The following MCF2 variants were observed in gnomAD, a reference collection of about 807,000 sequenced individuals.
MCF2 encodes the protein MCF.2 cell line derived transforming sequence, also known as proto-oncogene DBL.
Under a neutral mutation model 82.5 loss-of-function variants are expected in MCF2, and 44 were observed. The observed-to-expected ratio is 0.53, with a 90% CI of 0.42 to 0.69. MCF2 has a LOEUF of 0.69. Among genes scored for constraint, MCF2 ranks in the 30% least tolerant of loss-of-function variants. The probability of loss-of-function intolerance (pLI) is 0.00; values close to 1 mark genes in which losing one functional copy is unlikely to be tolerated. For synonymous variants in MCF2, 217 were observed against 224.9 expected (o/e 0.96, Z 0.32); for missense variants, 623 against 663.1 (o/e 0.94, Z 0.66).
At chrX:139,682,735 A>ATTAAATG (rs1239177466) in intron 1 of MCF2, among the ~76,000 whole-genome samples, 1 of 111,078 alleles carries the variant, frequency 9.0e-6, no homozygotes, top group Admixed American at 9.6e-5. Context: ...CTGTTATCCC[A>ATTAAATG]CCCCAGTCCT....
chrX:139,584,632 A>C (rs1603271003), intron 24 of MCF2, among the ~76,000 whole-genome samples: 1 of 112,075 alleles, frequency 8.9e-6, no homozygotes, highest in East Asian at 2.8e-4. Context: ...AACACACTAA[A>C]ATATATCCCC....
intron 24 of MCF2, among the ~76,000 whole-genome samples, chrX:139,583,379 C>T (rs1928638730): frequency 9.0e-6 from 1 of 111,468 alleles, no homozygotes; most frequent in Admixed American, 9.6e-5. Flanking sequence ...TGGTAAATAT[C>T]AATAGATGTA....
At chrX:139,663,347 G>T (rs977488043) in intron 1 of MCF2, among the ~76,000 whole-genome samples, 10 of 111,964 alleles carry the variant, frequency 8.9e-5, no homozygotes, top group Non-Finnish European at 1.9e-4. Flanking sequence ...TGTTCCATGT[G>T]TAGATGAAAA....
intron 19 of MCF2, among the ~76,000 whole-genome samples, chrX:139,591,969 G>T (rs73573948): frequency 0.04 from 4,492 of 110,925 alleles, 116 homozygotes; most frequent in African/African-American, 0.087. Flanking sequence ...GGGTAAGACT[G>T]TGAAACTAAT....
chrX:139,601,803 A>G (rs1285730050), intron 16 of MCF2, among the ~76,000 whole-genome samples: 4 of 111,503 alleles, frequency 3.6e-5, no homozygotes, highest in African/African-American at 1.3e-4. Context: ...CTTTAAGAAT[A>G]TGAAATTCAG....
chrX:139,593,341 T>A (rs1269166433), intron 19 of MCF2, among the ~76,000 whole-genome samples: 10 of 110,663 alleles, frequency 9.0e-5, no homozygotes, highest in Non-Finnish European at 1.9e-4. Context: ...AAAAACCAGC[T>A]CCTGAATCTC....
chrX:139,645,535 T>A (rs1933772935), upstream of MCF2: 1 of 914,535 alleles, frequency 1.1e-6, no homozygotes, highest in Admixed American at 2.4e-5. Flanking sequence ...AAAACAAAAA[T>A]AAAAAGTTAC....
intron 1 of MCF2, among the ~76,000 whole-genome samples, chrX:139,688,148 C>G (rs992167035): frequency 1.4e-4 from 16 of 111,633 alleles, no homozygotes; most frequent in African/African-American, 4.9e-4. Context: ...AATTAAAAAG[C>G]AGAACAATCT....
At chrX:139,616,505 A>C (rs775030004) in intron 8 of MCF2, 32 bp from the exon 12 acceptor site, 1 of 832,073 alleles carries the variant, frequency 1.2e-6, no homozygotes, top group Non-Finnish European at 1.6e-6. Context: ...AAAAAAAAAA[A>C]TATGAATTAA....
At chrX:139,597,412 T>G in intron 18 of MCF2, 48 bp downstream of exon 22, 30 of 1,032,698 alleles carry the variant, frequency 2.9e-5, no homozygotes, top group Non-Finnish European at 3.8e-5. Context: ...AAAGGGATGT[T>G]GAGATGCCGA....
rs1933949337 is a variant in MCF2 at position 139,650,213 on chromosome X, G to A, written c.25+1507C>T. ...CTACAAAAATATAAAAATTAGCTAG[G>A]CGTGGTGGCACACTCCTATAGTTCC... On this transcript the variant is annotated intron_variant, in intron 2 of 27. Transcript: ENST00000414978. Among the ~76,000 whole-genome samples, 2 of 111,346 alleles carry A rather than the reference G, an allele frequency of 1.8e-5. 1 individual carries two copies. Among genetic ancestry groups the A allele is most frequent in the African/African-American group, 6.5e-5 (2 of 30,573 alleles).
chrX:139,630,000 A>G (rs1456379524), intron 3 of MCF2, among the ~76,000 whole-genome samples, 156 bp from the exon 7 acceptor site: 1 of 111,780 alleles, frequency 8.9e-6, no homozygotes, highest in Non-Finnish European at 1.9e-5. Flanking sequence ...TGCTCTTGGC[A>G]ATCAACTGTA....
At chrX:139,647,133 T>TA (rs1395967175), upstream of MCF2, among the ~76,000 whole-genome samples, 9 of 111,940 alleles carry the variant, frequency 8.0e-5, no homozygotes, top group Non-Finnish European at 7.5e-5. Context: ...TGAATGAATA[T>TA]AGTCAGAAGA....
At chrX:139,668,579 C>T (rs373964659) in intron 1 of MCF2, among the ~76,000 whole-genome samples, 1 of 111,412 alleles carries the variant, frequency 9.0e-6, no homozygotes, top group Non-Finnish European at 1.9e-5. Flanking sequence ...CTGCCAATCC[C>T]GGCCAAGCAG....
chrX:139,688,044 C>T (rs1172045668), intron 1 of MCF2, among the ~76,000 whole-genome samples: 1 of 111,298 alleles, frequency 9.0e-6, no homozygotes, highest in African/African-American at 3.3e-5. Context: ...TAACAACTGG[C>T]CAGTAGAAAC....
intron 1 of MCF2, among the ~76,000 whole-genome samples, chrX:139,662,760 T>C (rs1252987437): frequency 9.0e-6 from 1 of 110,721 alleles, no homozygotes; most frequent in African/African-American, 3.3e-5. Context: ...CTTCTAATTG[T>C]ATGTACCCTT....
At chrX:139,594,927 G>A (rs1390457055) in intron 19 of MCF2, among the ~76,000 whole-genome samples, 1 of 111,287 alleles carries the variant, frequency 9.0e-6, no homozygotes, top group East Asian at 2.8e-4. Flanking sequence ...GACATGAACA[G>A]ACACTTCTCA....
intron 8 of MCF2, among the ~76,000 whole-genome samples, chrX:139,617,036 C>T (rs1931966392): frequency 9.0e-6 from 1 of 111,055 alleles, no homozygotes; most frequent in Admixed American, 9.6e-5. Flanking sequence ...ATTGCCTAAT[C>T]GTGAAAAGGG....
At chrX:139,675,050 C>T (rs190454094) in intron 1 of MCF2, among the ~76,000 whole-genome samples, 251 of 112,163 alleles carry the variant, frequency 2.2e-3, no homozygotes, top group African/African-American at 7.0e-3. Flanking sequence ...CTTCTCTTCT[C>T]GCTTGGTTTC....
Sources: allele counts gnomAD v4.1 joint callset (sites outside exome capture counted in the v4.1 genomes callset), GRCh38; gene constraint gnomAD v4.1.1; transcripts MANE v1.5; gene names NCBI Gene and HGNC (gene_info 2026-07-23, HGNC 2026-07-21).